The following ADAD1 variants were observed in gnomAD, a reference collection of about 807,000 sequenced individuals.
The protein encoded by ADAD1 is adenosine deaminase domain containing 1, also known as adenosine deaminase domain-containing protein 1.
Under a neutral mutation model 66.8 loss-of-function variants are expected in ADAD1, and 46 were observed. The ratio of observed to expected loss-of-function variants is 0.69; its 90% confidence interval spans 0.54 to 0.88. The LOEUF (loss-of-function observed/expected upper bound fraction) is 0.88, where lower values mean the gene tolerates loss of function less well. ADAD1 is among the 40% of genes least tolerant of loss of function. The probability of loss-of-function intolerance (pLI) is 0.00; values close to 1 mark genes in which losing one functional copy is unlikely to be tolerated. For synonymous variants in ADAD1, 248 were observed against 229.4 expected (o/e 1.08, Z -0.73); for missense variants, 617 against 681.8 (o/e 0.91, Z 1.06).
At chr4:122,391,396 G>A (rs540192451) in intron 5 of ADAD1, among the ~76,000 whole-genome samples, 1 of 152,330 alleles carries the variant, frequency 6.6e-6, no homozygotes, top group African/African-American at 2.4e-5. Context: ...TTGTTGGAGA[G>A]GGTGTGCTTC....
At position 122,407,968 on chromosome 4, in the gene ADAD1, A is replaced by C; in HGVS notation, c.785A>C (p.Lys262Thr). ...TGEYNYSQDIKPDGRVLHDTH... is the reference protein window; with the variant it reads ...TGEYNYSQDITPDGRVLHDTH... ...GAATACAATTACAGCCAGGACATTA[A>C]GCCAGATGGAAGAGTATTGCATGAC... is the stretch of plus-strand genomic sequence containing the variant. Residue 262 changes from lysine (K) to threonine (T), a missense_variant, in exon 8 of 13, where the codon AAG (lysine) becomes ACG (threonine). Transcript: ENST00000296513. 5.0e-6 allele frequency: 8 copies of C among 1,613,880 alleles called. No individual in the cohort carries two copies. The highest frequency in any genetic ancestry group is 6.8e-6 in the Non-Finnish European group (8 of 1,179,850).
intron 4 of ADAD1, among the ~76,000 whole-genome samples, chr4:122,382,311 G>A (rs147975772): frequency 2.0e-5 from 3 of 152,306 alleles, no homozygotes; most frequent in African/African-American, 4.8e-5. Context: ...GTGTTTGGTA[G>A]TGAAACCACA....
At chr4:122,411,698 G>C (rs528335742) in intron 9 of ADAD1, among the ~76,000 whole-genome samples, 212 of 152,174 alleles carry the variant, frequency 1.4e-3, no homozygotes, top group South Asian at 8.9e-3. Context: ...TCATATTTCA[G>C]ATTTTTGGAT....
chr4:122,411,084 G>T, intron 8 of ADAD1, 138 bp from the exon 9 acceptor site: 1 of 638,568 alleles, frequency 1.6e-6, no homozygotes, highest in Non-Finnish European at 2.5e-6. Flanking sequence ...ATAAAGCTAA[G>T]ATTGATTTAG....
intron 12 of ADAD1, among the ~76,000 whole-genome samples, chr4:122,421,723 G>A (rs1344882685): frequency 6.6e-6 from 1 of 151,928 alleles, no homozygotes; most frequent in African/African-American, 2.4e-5. Context: ...ACTATAGAAT[G>A]TTAAGTATTC....
At chr4:122,406,570 A>G (rs779980246) in intron 7 of ADAD1, among the ~76,000 whole-genome samples, 32 of 152,156 alleles carry the variant, frequency 2.1e-4, no homozygotes, top group Non-Finnish European at 3.8e-4. Context: ...GTAACCCAAG[A>G]TGGTTTTTAC....
At chr4:122,393,516 C>A in intron 5 of ADAD1, 73 bp from the exon 6 acceptor site, 1 of 1,377,304 alleles carries the variant, frequency 7.3e-7, no homozygotes, top group Non-Finnish European at 9.8e-7. Flanking sequence ...TGTTTTATTA[C>A]AGAATAAAAG....
In ADAD1 at chr4:122,423,289, A is replaced by ATC. The variant is rs577594647; in HGVS notation, c.1617+1900_1617+1901dup. ...GTAACTTTGCTGGCCCAAGGTTGCC[A>ATC]TCCTGGTTGGAGGCAAGTGGTAGGC... On this transcript the variant is annotated intron_variant, in intron 12 of 12. Transcript: ENST00000296513. 1.0e-3 allele frequency among the ~76,000 whole-genome samples: 156 copies of ATC among 152,360 alleles called. 5 individuals are homozygous for ATC. In the South Asian group the frequency reaches 0.031, roughly 31 times the overall value.
At chr4:122,393,800 A>T in intron 6 of ADAD1, 143 bp downstream of exon 6, 4 of 546,434 alleles carry the variant, frequency 7.3e-6, no homozygotes, top group Non-Finnish European at 1.2e-5. Flanking sequence ...AAAAAGAAGA[A>T]TTTTTTTCTA....
intron 8 of ADAD1, among the ~76,000 whole-genome samples, chr4:122,408,487 G>A (rs1218140047): frequency 6.6e-6 from 1 of 152,134 alleles, no homozygotes; most frequent in Non-Finnish European, 1.5e-5. Flanking sequence ...TGTTGGTCAG[G>A]CTGGTCTTGA....
At chr4:122,420,346 GTCAACTAAAGGTCAGGTGAGCTGA>G (rs1036668565) in intron 11 of ADAD1, among the ~76,000 whole-genome samples, 8 of 152,186 alleles carry the variant, frequency 5.3e-5, no homozygotes, top group Non-Finnish European at 1.2e-4. Context: ...TCAACTGTTG[GTCAACTAAAGGTCAGGTGAGCTGA>G]TCTTAGCCTG....
intron 5 of ADAD1, among the ~76,000 whole-genome samples, chr4:122,385,404 C>A (rs1226403605): frequency 6.6e-6 from 1 of 152,098 alleles, no homozygotes; most frequent in African/African-American, 2.4e-5. Context: ...TCCCTAGTAG[C>A]TGGGATTATA....
At position 122,383,859 on chromosome 4, in the gene ADAD1, C is replaced by G; in HGVS notation, c.422C>G (p.Thr141Ser). The change falls in exon 5 of 13, where the codon ACT becomes AGT. Residue 141 changes from threonine to serine, a missense_variant. By Grantham distance (58) the Thr-to-Ser change is moderately conservative. Coordinates refer to ENST00000296513, the MANE Select transcript of ADAD1 (RefSeq NM_139243.4). Reference protein sequence around the residue: ...CAVVDGIQYKTGLGQNKKESR... With the variant: ...CAVVDGIQYKSGLGQNKKESR... ...GTGGTGGATGGTATTCAGTACAAGA[C>G]TGGACTGGGACAAAATAAAAAGGAG... The G allele has an allele frequency of 6.2e-7, 1 of 1,613,932 alleles. No homozygotes were observed. Among genetic ancestry groups the G allele is most frequent in the Non-Finnish European group, 8.5e-7 (1 of 1,179,912 alleles).
chr4:122,428,271 C>A (rs1409155006), intron 12 of ADAD1, among the ~76,000 whole-genome samples: 3 of 151,908 alleles, frequency 2.0e-5, no homozygotes, highest in Admixed American at 6.5e-5. Context: ...AAAAGTATAA[C>A]CCAAAAAGAA....
At chr4:122,380,388 A>G (rs1400039775) in intron 3 of ADAD1, 147 bp downstream of exon 3, 9 of 936,932 alleles carry the variant, frequency 9.6e-6, no homozygotes, top group Non-Finnish European at 1.1e-5. Flanking sequence ...ATCTGACTCA[A>G]CATTTGGAGG....
At chr4:122,417,961 C>G (rs757419061) in intron 11 of ADAD1, among the ~76,000 whole-genome samples, 11 of 152,006 alleles carry the variant, frequency 7.2e-5, no homozygotes, top group Non-Finnish European at 2.9e-5. Flanking sequence ...TATTACATAT[C>G]AGAACTTGTA....
chr4:122,419,226 C>T (rs937880837), intron 11 of ADAD1, among the ~76,000 whole-genome samples: 2 of 152,144 alleles, frequency 1.3e-5, no homozygotes, highest in African/African-American at 2.4e-5. Flanking sequence ...ATGTCCTCTG[C>T]AGGGCCATGG....
At chr4:122,390,634 T>C (rs1269313499) in intron 5 of ADAD1, among the ~76,000 whole-genome samples, 4 of 152,222 alleles carry the variant, frequency 2.6e-5, no homozygotes, top group Non-Finnish European at 5.9e-5. Flanking sequence ...TTTTCTCTGC[T>C]TAGTCAATTC....
chr4:122,383,970 A>G lies in ADAD1; in HGVS notation c.529+4A>G. On this transcript the variant is annotated splice_donor_region_variant and intron_variant, in intron 5 of 12. Transcript: ENST00000296513. ...CCACGAATTTTAGAAACATCAGGTA[A>G]ATACTCTTGATTATAAAGTATTTAT... 1.3e-6 allele frequency: 2 copies of G among 1,599,886 alleles called. No individual in the cohort carries two copies. Among genetic ancestry groups the G allele is most frequent in the South Asian group, 2.3e-5 (2 of 88,388 alleles).
Sources: gnomAD v4.1 joint callset for allele counts (sites outside exome capture counted in the v4.1 genomes callset) on GRCh38, gnomAD v4.1.1 for gene constraint, MANE v1.5 for transcripts, NCBI Gene and HGNC (gene_info 2026-07-23, HGNC 2026-07-21) for gene names.